Variants in C10orf90 observed in about 807,000 individuals in gnomAD.
C10orf90 encodes chromosome 10 open reading frame 90, also known as (E2-independent) E3 ubiquitin-conjugating enzyme FATS.
Under a neutral mutation model 62.5 loss-of-function variants are expected in C10orf90, and 56 were observed. That is an observed-to-expected ratio of 0.90 (90% CI 0.72 to 1.12). The LOEUF is 1.12. C10orf90 is among the 50% of genes most tolerant of loss of function. C10orf90 has a pLI of 0.00. For missense variants in C10orf90, 970 were observed against 880.4 expected, an observed-to-expected ratio of 1.10 and a Z score of -1.29; for synonymous variants, 386 against 340.4, an observed-to-expected ratio of 1.13 and a Z score of -1.47.
chr10:126,507,047 T>C (rs1186994555), intron 3 of C10orf90, among the ~76,000 whole-genome samples: 1 of 152,060 alleles, frequency 6.6e-6, no homozygotes, highest in African/African-American at 2.4e-5. Context: ...TCACATTATA[T>C]GTGGGTTTTT....
At chr10:126,483,331 CA>C (rs1325534315) in intron 4 of C10orf90, among the ~76,000 whole-genome samples, 1 of 152,230 alleles carries the variant, frequency 6.6e-6, no homozygotes, top group Non-Finnish European at 1.5e-5. Flanking sequence ...GAAACTAATT[CA>C]ACTCAGCTGC....
intron 2 of C10orf90, among the ~76,000 whole-genome samples, chr10:126,536,731 C>A (rs970210700): frequency 6.6e-6 from 1 of 152,168 alleles, no homozygotes; most frequent in Admixed American, 6.5e-5. Flanking sequence ...TTGGGGCCCT[C>A]GCAAGTCTGA....
At position 126,442,487 on chromosome 10, in the gene C10orf90, A is replaced by ATATATATATATATATATATCTATATC. The variant is rs1554886181; in HGVS notation, c.2189-12638_2189-12637insGATATAGATATATATATATATATATA. Among the ~76,000 whole-genome samples, 80 of 96,522 alleles carry ATATATATATATATATATATCTATATC rather than the reference A, an allele frequency of 8.3e-4. 5 individuals are homozygous for ATATATATATATATATATATCTATATC. Among genetic ancestry groups the ATATATATATATATATATATCTATATC allele is most frequent in the African/African-American group, 3.4e-3 (79 of 23,392 alleles). 63.3% of individuals were successfully genotyped at this position (96,522 alleles called of 152,430 possible). ...GGGAACTTCAATATTTCATATATAT[A>ATATATATATATATATATATCTATATC]TATATATATATATATATATATCTGT... On this transcript the variant is annotated intron_variant, in intron 7 of 9. Coordinates refer to ENST00000488181, the MANE Select transcript of C10orf90 (RefSeq NM_001350921.2).
intron 4 of C10orf90, among the ~76,000 whole-genome samples, chr10:126,470,556 C>G (rs756971566): frequency 6.8e-6 from 1 of 147,352 alleles, no homozygotes; most frequent in South Asian, 2.1e-4. Context: ...ATAGTAAGAC[C>G]CTAACTCTAC....
At chr10:126,526,487 G>A (rs1032324694) in intron 2 of C10orf90, among the ~76,000 whole-genome samples, 11 of 152,056 alleles carry the variant, frequency 7.2e-5, no homozygotes, top group South Asian at 6.2e-4. Context: ...CTCGTGATCC[G>A]CCCGCCTCGG....
intron 4 of C10orf90, among the ~76,000 whole-genome samples, chr10:126,476,451 C>A (rs181057619): frequency 4.9e-4 from 75 of 152,308 alleles, no homozygotes; most frequent in African/African-American, 1.7e-3. Flanking sequence ...AAGAATAAAT[C>A]AAGCCACCAA....
chr10:126,442,633 G>GTGTGTA lies in C10orf90; in HGVS notation c.2189-12784_2189-12783insTACACA, dbSNP rs1160734939. The stretch of plus-strand genomic sequence containing the variant: ...AGTTCCCTACTATTATTGTGTGTGT[G>GTGTGTA]TATATATATATATATATATATATAT... On this transcript the variant is annotated intron_variant, in intron 7 of 9. Transcript: ENST00000488181. 9.0e-5 allele frequency among the ~76,000 whole-genome samples: 8 copies of GTGTGTA among 88,468 alleles called. No homozygotes were observed. In the East Asian group the frequency reaches 1.2e-3, roughly 13 times the overall value. 58.0% of individuals were successfully genotyped at this position (88,468 alleles called of 152,430 possible).
chr10:126,443,403 C>T (rs1264522142), intron 7 of C10orf90, among the ~76,000 whole-genome samples: 1 of 151,982 alleles, frequency 6.6e-6, no homozygotes, highest in African/African-American at 2.4e-5. Context: ...CGTGTATAAA[C>T]TAGAAAACAC....
chr10:126,588,623 G>C (rs192986207), intron 2 of C10orf90, among the ~76,000 whole-genome samples: 76 of 152,068 alleles, frequency 5.0e-4, no homozygotes, highest in Middle Eastern at 3.4e-3. Context: ...TAAAAGAAAA[G>C]AAAACAAAAC....
chr10:126,431,672 C>T (rs1051748318), intron 7 of C10orf90, among the ~76,000 whole-genome samples: 2 of 152,150 alleles, frequency 1.3e-5, no homozygotes, highest in Non-Finnish European at 2.9e-5. Context: ...TAGGGTGAGG[C>T]CAGGGTAGAC....
chr10:126,432,192 C>T (rs1857611290), intron 7 of C10orf90, among the ~76,000 whole-genome samples: 1 of 152,286 alleles, frequency 6.6e-6, no homozygotes, highest in African/African-American at 2.4e-5. Flanking sequence ...CAAACAGCTC[C>T]CAACCTCACT....
chr10:126,483,329 T>A (rs192593057), intron 4 of C10orf90, among the ~76,000 whole-genome samples: 1 of 152,372 alleles, frequency 6.6e-6, no homozygotes, highest in East Asian at 1.9e-4. Context: ...GAGAAACTAA[T>A]TCAACTCAGC....
chr10:126,556,184 T>G (rs569531851), intron 2 of C10orf90, among the ~76,000 whole-genome samples: 1 of 152,338 alleles, frequency 6.6e-6, no homozygotes, highest in Admixed American at 6.5e-5. Context: ...TGCTGTGTCC[T>G]GTAACTATAA....
intron 2 of C10orf90, among the ~76,000 whole-genome samples, chr10:126,551,181 C>T (rs1864621746): frequency 6.6e-6 from 1 of 152,208 alleles, no homozygotes; most frequent in African/African-American, 2.4e-5. Flanking sequence ...AGCCTCAGTT[C>T]TCTAGGCAAG....
In C10orf90 at chr10:126,539,600, G is replaced by A. The variant is rs144475262; in HGVS notation, c.314-25661C>T. Among the ~76,000 whole-genome samples, 4 of 152,154 alleles carry A rather than the reference G, an allele frequency of 2.6e-5. No homozygotes were observed. The East Asian group carries it at 7.7e-4, about 29-fold the overall frequency. On this transcript the variant is annotated intron_variant, in intron 2 of 9. Coordinates refer to ENST00000488181, the MANE Select transcript of C10orf90 (RefSeq NM_001350921.2). ...TCCATAAATATAATATGAATGAGAT[G>A]ACTAAGTTCTAAAACCTAGGGAAAA...
At chr10:126,626,842 A>G (rs1221487442) in intron 2 of C10orf90, among the ~76,000 whole-genome samples, 3 of 152,180 alleles carry the variant, frequency 2.0e-5, no homozygotes, top group South Asian at 2.1e-4. Flanking sequence ...GGGGCTGTCA[A>G]AACTTCTCAA....
At chr10:126,613,901 C>T (rs984415726) in intron 2 of C10orf90, among the ~76,000 whole-genome samples, 1 of 152,166 alleles carries the variant, frequency 6.6e-6, no homozygotes, top group African/African-American at 2.4e-5. Context: ...GATGACCTGA[C>T]CCTCACCCCA....
intron 2 of C10orf90, among the ~76,000 whole-genome samples, chr10:126,538,909 C>A (rs1343578892): frequency 6.6e-6 from 1 of 152,220 alleles, no homozygotes; most frequent in Non-Finnish European, 1.5e-5. Flanking sequence ...AATGCCAAGG[C>A]ACGATGAAAT....
In C10orf90 at chr10:126,425,984, C is replaced by T; in HGVS notation, c.2352+7G>A. On this transcript the variant is annotated splice_region_variant and intron_variant, in intron 9 of 9. Transcript: ENST00000488181. ...CACATCACACCTGCTGGTGACGAGG[C>T]CATTACCTTTTTGAAGACTTCGGCA... The T allele has an allele frequency of 6.2e-7, 1 of 1,613,932 alleles. No homozygotes were observed. Among genetic ancestry groups the T allele is most frequent in the Non-Finnish European group, 8.5e-7 (1 of 1,179,810 alleles).
Sources: allele counts gnomAD v4.1 joint callset (sites outside exome capture counted in the v4.1 genomes callset), GRCh38; gene constraint gnomAD v4.1.1; transcripts MANE v1.5; gene names NCBI Gene and HGNC (gene_info 2026-07-23, HGNC 2026-07-21).